Variants in TENT4B observed in about 807,000 individuals in gnomAD.
TENT4B encodes PAP associated domain containing 5.
In TENT4B, 10 loss-of-function variants were observed where a neutral mutation model predicts 75.0. That is an observed-to-expected ratio of 0.13 (90% CI 0.08 to 0.23). The LOEUF (loss-of-function observed/expected upper bound fraction) is 0.23, where lower values mean the gene tolerates loss of function less well. TENT4B is among the 10% of genes least tolerant of loss of function. The pLI, the probability that TENT4B is intolerant of heterozygous loss-of-function variation, is 1.00. For synonymous variants in TENT4B, 350 were observed against 357.7 expected, an observed-to-expected ratio of 0.98 and a Z score of 0.24; for missense variants, 579 against 893.8, an observed-to-expected ratio of 0.65 and a Z score of 4.49.
rs117909005 is a variant in TENT4B at position 50,233,545 on chromosome 16, G to A, written c.*4217G>A. On this transcript the variant is annotated 3_prime_UTR_variant, in exon 12 of 12. Coordinates refer to ENST00000561678, the MANE Select transcript of TENT4B (RefSeq NM_001365324.3). ...GATAATGAGCTAAATATATATAGAC[G>A]TTGAATGTTGACAAAATTATTAACC... The A allele has an allele frequency of 6.6e-5, 65 of 984,772 alleles. 1 individual carries two copies. The East Asian group carries it at 1.0e-3, about 15-fold the overall frequency. 61.0% of individuals were successfully genotyped at this position (984,772 alleles called of 1,614,324 possible). A position where few individuals can be genotyped will look rare whatever the true frequency, so the allele number is the denominator to read the frequency against.
chr16:50,170,127 C>T (rs1182773469), intron 1 of TENT4B, among the ~76,000 whole-genome samples: 1 of 151,966 alleles, frequency 6.6e-6, no homozygotes, highest in Non-Finnish European at 1.5e-5. Flanking sequence ...TCTCCGCTCA[C>T]TGCAACCTCA....
intron 1 of TENT4B, among the ~76,000 whole-genome samples, chr16:50,163,501 G>A (rs2038039390): frequency 1.4e-5 from 2 of 145,836 alleles, no homozygotes; most frequent in South Asian, 2.2e-4. Context: ...CTGGGTTCAC[G>A]CCATTCTCCT....
At chr16:50,213,767 T>C (rs1322382167) in intron 2 of TENT4B, among the ~76,000 whole-genome samples, 7 of 152,340 alleles carry the variant, frequency 4.6e-5, no homozygotes, top group South Asian at 4.1e-4. Context: ...ATACAAATTA[T>C]TTTAAAAATA....
chr16:50,178,461 A>AG (rs2038351509), intron 1 of TENT4B, among the ~76,000 whole-genome samples: 1 of 152,020 alleles, frequency 6.6e-6, no homozygotes, highest in African/African-American at 2.4e-5. Flanking sequence ...AAAGAAAAAA[A>AG]AAGTTGATGA....
At chr16:50,194,939 C>T (rs62032361) in intron 1 of TENT4B, among the ~76,000 whole-genome samples, 5,326 of 151,780 alleles carry the variant, frequency 0.035, 119 homozygotes, top group Middle Eastern at 0.045. Context: ...TTAGTAGAGA[C>T]GGGGTTTCAC....
intron 1 of TENT4B, among the ~76,000 whole-genome samples, chr16:50,159,934 T>C (rs984231985): frequency 2.0e-5 from 3 of 152,204 alleles, no homozygotes; most frequent in Non-Finnish European, 4.4e-5. Flanking sequence ...AGTCTTGCTA[T>C]GCCACCCAGG....
chr16:50,232,730 C>G lies in TENT4B; in HGVS notation c.*3402C>G. 1.0e-6 allele frequency: 1 copy of G among 985,182 alleles called. No homozygotes were observed. The highest frequency in any genetic ancestry group is 1.2e-6 in the Non-Finnish European group (1 of 829,896). The allele number at this position is 985,182 out of a possible 1,614,324, so 61.0% of individuals were successfully genotyped here. A position where few individuals can be genotyped will look rare whatever the true frequency, so the allele number is the denominator to read the frequency against. On this transcript the variant is annotated 3_prime_UTR_variant, in exon 12 of 12. Coordinates refer to ENST00000561678, the MANE Select transcript of TENT4B (RefSeq NM_001365324.3). ...ATTAAGGTTGATCTGTTAGAAATCACCATTATTAGGTATTAGTGGTAGATG... is the reference window on the plus strand; with the variant it reads ...ATTAAGGTTGATCTGTTAGAAATCAGCATTATTAGGTATTAGTGGTAGATG...
At chr16:50,223,094 G>A (rs566826493) in intron 6 of TENT4B, 80 bp from the exon 7 acceptor site, 2 of 1,162,884 alleles carry the variant, frequency 1.7e-6, no homozygotes, top group East Asian at 2.4e-5. Context: ...ATTGCTTGTA[G>A]AAGTTAGAAT....
At chr16:50,170,298 C>T (rs187931329) in intron 1 of TENT4B, among the ~76,000 whole-genome samples, 4 of 152,192 alleles carry the variant, frequency 2.6e-5, no homozygotes, top group East Asian at 1.9e-4. Context: ...GGATTACAGG[C>T]GTGAGCCACC....
chr16:50,225,198 C>A lies in TENT4B; in HGVS notation c.1713C>A (p.Thr571=). ...CCCTTGGAAAATGTAGAAGTAAAAC[C>A]TCGGAATCTCTTAGTAAACACTCTT... The part of the protein sequence containing the change: ...NEALGKCRSK[T]SESLSKHSSN... The change falls in exon 10 of 12, where the codon ACC becomes ACA. Residue 571 remains threonine (T), a synonymous_variant. Coordinates refer to ENST00000561678, the MANE Select transcript of TENT4B (RefSeq NM_001365324.3). 6.2e-7 allele frequency: 1 copy of A among 1,613,842 alleles called. No individual in the cohort carries two copies. Among genetic ancestry groups the A allele is most frequent in the Non-Finnish European group, 8.5e-7 (1 of 1,179,828 alleles).
intron 1 of TENT4B, among the ~76,000 whole-genome samples, chr16:50,163,186 A>C (rs558702817): frequency 3.9e-5 from 6 of 152,316 alleles, no homozygotes; most frequent in African/African-American, 1.4e-4. Flanking sequence ...GAATAAGAAT[A>C]CATAGGATTG....
At chr16:50,198,088 A>G (rs565958982) in intron 1 of TENT4B, among the ~76,000 whole-genome samples, 42 of 150,072 alleles carry the variant, frequency 2.8e-4, no homozygotes, top group Non-Finnish European at 4.4e-4. Context: ...CACAAAAGTC[A>G]GTATCTGTAA....
At chr16:50,215,805 G>GT (rs1049262077) in intron 3 of TENT4B, among the ~76,000 whole-genome samples, 3 of 150,836 alleles carry the variant, frequency 2.0e-5, no homozygotes, top group East Asian at 1.9e-4. Context: ...AGTGCTTTTT[G>GT]TTTTTTTTTC....
chr16:50,175,550 T>C (rs1053784761), intron 1 of TENT4B, among the ~76,000 whole-genome samples: 3 of 152,132 alleles, frequency 2.0e-5, no homozygotes, highest in Non-Finnish European at 4.4e-5. Context: ...AGTGGCGCGA[T>C]CTCGGCTCAC....
At position 50,232,828 on chromosome 16, in the gene TENT4B, C is replaced by A; in HGVS notation, c.*3500C>A. On this transcript the variant is annotated 3_prime_UTR_variant, in exon 12 of 12. Transcript: ENST00000561678. ...TATTGATCTATAGTTTGATCAGTTC[C>A]TTGAATTCTAATATGTTGATTTCTC... 1 of 985,286 alleles carries A rather than the reference C, an allele frequency of 1.0e-6. No individual in the cohort carries two copies. Among genetic ancestry groups the A allele is most frequent in the Non-Finnish European group, 1.2e-6 (1 of 829,854 alleles). 61.0% of individuals were successfully genotyped at this position (985,286 alleles called of 1,614,324 possible). A position where few individuals can be genotyped will look rare whatever the true frequency, so the allele number is the denominator to read the frequency against.
chr16:50,168,849 T>C (rs1270471082), intron 1 of TENT4B, among the ~76,000 whole-genome samples: 1 of 151,962 alleles, frequency 6.6e-6, no homozygotes, highest in African/African-American at 2.4e-5. Flanking sequence ...TTTCAACATG[T>C]TGGCCAGGCT....
chr16:50,221,272 A>G (rs2031816113), intron 5 of TENT4B, among the ~76,000 whole-genome samples: 4 of 152,134 alleles, frequency 2.6e-5, no homozygotes, highest in Admixed American at 2.6e-4. Context: ...ATCACTAGTA[A>G]TTTTACCACC....
At chr16:50,222,703 C>T (rs140151514) in intron 6 of TENT4B, among the ~76,000 whole-genome samples, 3 of 152,234 alleles carry the variant, frequency 2.0e-5, no homozygotes, top group South Asian at 2.1e-4. Context: ...GCAAAATGTA[C>T]GGCCTGGTTT....
rs2032221601 is a variant in TENT4B, at chr16:50,229,899, A to C, written c.*571A>C. 5 of 919,080 alleles carry C rather than the reference A, an allele frequency of 5.4e-6. No individual in the cohort carries two copies. The highest frequency in any genetic ancestry group is 6.5e-6 in the Non-Finnish European group (5 of 769,448). The allele number at this position is 919,080 out of a possible 1,614,324, so 56.9% of individuals were successfully genotyped here. Reference sequence around the variant, plus strand: ...TTGTTAATAATACTTTTTACATAACATTACTGTTTAAATTGTAAACAGATT... The same window carrying C: ...TTGTTAATAATACTTTTTACATAACCTTACTGTTTAAATTGTAAACAGATT... On this transcript the variant is annotated 3_prime_UTR_variant, in exon 12 of 12. Transcript: ENST00000561678.
Sources: gnomAD v4.1 joint callset for allele counts (sites outside exome capture counted in the v4.1 genomes callset) on GRCh38, gnomAD v4.1.1 for gene constraint, MANE v1.5 for transcripts, NCBI Gene and HGNC (gene_info 2026-07-23, HGNC 2026-07-21) for gene names.